GBP5: variants seen among roughly 807,000 people sequenced by gnomAD.
GBP5 encodes guanylate binding protein 5.
A neutral mutation model predicts 58.2 loss-of-function variants in GBP5; 48 were observed. That is an observed-to-expected ratio of 0.83 (90% CI 0.65 to 1.05). The LOEUF (loss-of-function observed/expected upper bound fraction) is 1.05. GBP5 is among the 50% of genes least tolerant of loss of function. The pLI is 0.00. For synonymous variants in GBP5, 248 were observed against 251.8 expected (o/e 0.98, Z 0.14); for missense variants, 714 against 686.8 (o/e 1.04, Z -0.44).
chr1:89,265,667 G>A (rs1230116179), intron 7 of GBP5, among the ~76,000 whole-genome samples: 2 of 140,754 alleles, frequency 1.4e-5, no homozygotes, highest in African/African-American at 5.4e-5. Context: ...GGCGGAGCTT[G>A]CAGTGAGCCA....
chr1:89,261,982 A>G (rs987880137), intron 11 of GBP5: 14 of 521,162 alleles, frequency 2.7e-5, no homozygotes, highest in Middle Eastern at 5.0e-4. Context: ...AAATAACCCT[A>G]TAACATAGAT....
At chr1:89,270,148 A>C (rs1650386922) in intron 2 of GBP5, 2 of 152,212 alleles carry the variant, frequency 1.3e-5, no homozygotes, top group Admixed American at 1.3e-4. Flanking sequence ...TTATTAAACC[A>C]AAACTTCAAA....
At chr1:89,267,646 A>G in intron 4 of GBP5, 120 bp from the exon 5 acceptor site, 1 of 652,634 alleles carries the variant, frequency 1.5e-6, no homozygotes, top group Non-Finnish European at 2.7e-6. Context: ...TAGAAATATT[A>G]ACTTTGAATA....
At chr1:89,270,595 A>G (rs1650404865) in intron 2 of GBP5, 160 bp downstream of exon 2, 1 of 152,218 alleles carries the variant, frequency 6.6e-6, no homozygotes, top group African/African-American at 2.4e-5. Flanking sequence ...GGCAGCAGAA[A>G]ATAGGATATC....
In GBP5 at chr1:89,258,021, G is replaced by T. The variant is rs1570406507; in HGVS notation, c.*2683C>A. 6.6e-6 allele frequency among the ~76,000 whole-genome samples: 1 copy of T among 152,140 alleles called. No individual in the cohort carries two copies. The highest frequency in any genetic ancestry group is 2.4e-5 in the African/African-American group (1 of 41,418). On this transcript the variant is annotated 3_prime_UTR_variant, in exon 12 of 12. Transcript: ENST00000370459. ...GTCAGAAAATATAAGCTACTTACTGGTAGTTTCAAGAAATCATCAATGTTT... is the reference window on the plus strand; with the variant it reads ...GTCAGAAAATATAAGCTACTTACTGTTAGTTTCAAGAAATCATCAATGTTT...
chr1:89,271,241 A>G (rs1221877393), intron 1 of GBP5: 2 of 152,188 alleles, frequency 1.3e-5, no homozygotes, highest in African/African-American at 2.4e-5. Context: ...AATGGTTCAA[A>G]ATACACACAC....
intron 4 of GBP5, among the ~76,000 whole-genome samples, chr1:89,267,998 CA>C (rs1650293807): frequency 6.6e-6 from 1 of 151,982 alleles, no homozygotes. Context: ...AAATCAAAAA[CA>C]AAGACAAAAA....
rs559899412 is a variant in GBP5 at position 89,269,093 on chromosome 1, C to T, written c.191-237G>A. On this transcript the variant is annotated intron_variant, in intron 3 of 11. Coordinates refer to ENST00000370459, the MANE Select transcript of GBP5 (RefSeq NM_052942.5). The stretch of plus-strand genomic sequence containing the variant: ...TGTTGCTAGTTTATAATTATGTATA[C>T]GGGAATTACTTCATTGATGTCTTAC... 9.2e-5 allele frequency among the ~76,000 whole-genome samples: 14 copies of T among 151,520 alleles called. No individual in the cohort carries two copies. In the South Asian group the frequency reaches 2.3e-3, roughly 25 times the overall value.
chr1:89,264,667 C>T lies in GBP5; in HGVS notation c.1149+19G>A, dbSNP rs1362684506. ...CCTTCTTGACCTTAATCCCCATGAA[C>T]TAGAAACAAAAATATCACCTCCAAT... On this transcript the variant is annotated intron_variant, in intron 8 of 11. Coordinates refer to ENST00000370459, the MANE Select transcript of GBP5 (RefSeq NM_052942.5). The T allele has an allele frequency of 2.5e-6, 4 of 1,608,414 alleles. No homozygotes were observed. In the Admixed American group the frequency reaches 6.7e-5, roughly 27 times the overall value.
rs1484530100 is a variant in GBP5, at chr1:89,262,770, G to A, written c.1378C>T (p.Gln460Ter). The A allele has an allele frequency of 1.9e-6, 3 of 1,567,438 alleles. No homozygotes were observed. The African/African-American group carries it at 4.2e-5, about 22-fold the overall frequency. Reference protein sequence around the residue: ...RKGIQAEEVLQKYLKSKESVS... With the variant: ...RKGIQAEEVL Reference sequence around the variant, plus strand: ...GACTCCTTGGACTTTAAATATTTCTGCAGAACTTCTTCAGCCTAGCAACCC... The same window carrying A: ...GACTCCTTGGACTTTAAATATTTCTACAGAACTTCTTCAGCCTAGCAACCC... Residue 460 changes from glutamine to a stop codon, truncating the protein, a stop_gained, in exon 10 of 12, where the codon CAG (glutamine) becomes TAG (stop). Coordinates refer to ENST00000370459, the MANE Select transcript of GBP5 (RefSeq NM_052942.5). LOFTEE classifies it high-confidence loss of function.
chr1:89,265,512 A>G (rs1215331319), intron 7 of GBP5, among the ~76,000 whole-genome samples: 1 of 151,426 alleles, frequency 6.6e-6, no homozygotes, highest in Non-Finnish European at 1.5e-5. Flanking sequence ...GCGGATCACG[A>G]GGTGAGGAGA....
At position 89,267,463 on chromosome 1, in the gene GBP5, A is replaced by G. The variant is rs1650267796; in HGVS notation, c.382T>C (p.Tyr128His). 5.0e-6 allele frequency: 8 copies of G among 1,613,980 alleles called. No individual in the cohort carries two copies. The highest frequency in any genetic ancestry group is 6.8e-6 in the Non-Finnish European group (8 of 1,179,850). Residue 128 changes from tyrosine to histidine, a missense_variant, in exon 5 of 12, where the codon TAC (tyrosine) becomes CAC (histidine). Transcript: ENST00000370459. The part of the protein sequence containing the change: ...LALLLSSTFV[Y>H]NTVNKIDQGA... ...TGATCAATTTTGTTCACAGTATTGT[A>G]CACAAAGGTGCTGCTCAGTAAGAGT...
chr1:89,270,762 A>G lies in GBP5; in HGVS notation c.-27T>C, dbSNP rs1361559021. 2.0e-5 allele frequency: 3 copies of G among 152,212 alleles called. No homozygotes were observed. The highest frequency in any genetic ancestry group is 4.4e-5 in the Non-Finnish European group (3 of 68,038). The allele number at this position is 152,212 out of a possible 1,614,324, so 9.4% of individuals were successfully genotyped here. A position where few individuals can be genotyped will look rare whatever the true frequency, so the allele number is the denominator to read the frequency against. The stretch of plus-strand genomic sequence containing the variant: ...TCAATGTAGTATTAGTACCTTATAT[A>G]TGTAGAATTCTGGTTGCCTGATTTG... On this transcript the variant is annotated 5_prime_UTR_variant, in exon 2 of 12. Transcript: ENST00000370459.
intron 7 of GBP5, 79 bp downstream of exon 7, chr1:89,266,267 C>A (rs1650207679): frequency 8.1e-7 from 1 of 1,231,614 alleles, no homozygotes; most frequent in Non-Finnish European, 1.2e-6. Context: ...TCAACATTGA[C>A]AATGCAAGGA....
Position 89,266,502 on chromosome 1 carries a change from A to T in GBP5, c.712T>A (p.Leu238Ile). The T allele has an allele frequency of 1.2e-6, 2 of 1,614,136 alleles. No individual in the cohort carries two copies. Among genetic ancestry groups the T allele is most frequent in the Non-Finnish European group, 1.7e-6 (2 of 1,179,994 alleles). The change falls in exon 7 of 12, where the codon TTA (leucine) becomes ATA (isoleucine). Residue 238 changes from leucine (L) to isoleucine (I), a missense_variant. Leu to Ile is a conservative substitution (Grantham distance 5). Transcript: ENST00000370459. Reference sequence around the variant, plus strand: ...GCAAGCTTTTTTTGGTGAGCAGGTAAGTCAAAGATAAAGCATTTCTTTTTT... The same window carrying T: ...GCAAGCTTTTTTTGGTGAGCAGGTATGTCAAAGATAAAGCATTTCTTTTTT... The part of the protein sequence containing the change: ...FPKKKCFIFD[L>I]PAHQKKLAQL...
chr1:89,268,620 G>T (rs1437103195), intron 4 of GBP5, 109 bp downstream of exon 4: 5 of 1,030,538 alleles, frequency 4.9e-6, no homozygotes, highest in Admixed American at 1.9e-5. Flanking sequence ...AAACAATGGG[G>T]GTATACATTG....
rs1190641465 is a variant in GBP5 at position 89,260,763 on chromosome 1, T to C, written c.1702A>G (p.Ser568Gly). The stretch of plus-strand genomic sequence containing the variant: ...GTCCTCTGGGCGTGCTGGAGCTCAC[T>C]GAGAAGGCTTCTATTTTGAGCTTGG... ...TFQAQNRSLL[S>G]ELQHAQRTVN... Residue 568 changes from serine to glycine, a missense_variant, in exon 12 of 12, where the codon AGT becomes GGT. By Grantham distance (56) the Ser-to-Gly change is moderately conservative. Coordinates refer to ENST00000370459, the MANE Select transcript of GBP5 (RefSeq NM_052942.5). The C allele has an allele frequency of 3.7e-6, 6 of 1,614,032 alleles. No homozygotes were observed. The Admixed American group carries it at 8.3e-5, about 22-fold the overall frequency.
intron 11 of GBP5, among the ~76,000 whole-genome samples, chr1:89,261,527 T>C (rs956508965): frequency 4.6e-5 from 7 of 152,186 alleles, no homozygotes; most frequent in African/African-American, 1.7e-4. Flanking sequence ...GATATTTGCA[T>C]TGATTATCTC....
At position 89,264,904 on chromosome 1, in the gene GBP5, C is replaced by G; in HGVS notation, c.931G>C (p.Glu311Gln). 2 of 1,614,174 alleles carry G rather than the reference C, an allele frequency of 1.2e-6. No homozygotes were observed. The highest frequency in any genetic ancestry group is 1.7e-6 in the Non-Finnish European group (2 of 1,179,998). Residue 311 changes from glutamate to glutamine, a missense_variant, in exon 8 of 12, where the codon GAG (glutamate) becomes CAG (glutamine). Physicochemically the swap from Glu to Gln is conservative, Grantham distance 29. Transcript: ENST00000370459. ...AISSGDLPCI[E>Q]NAVLALAQRE... ...TGAGCCAAGGCCAGGACTGCATTCT[C>G]TATGCAAGGCAGATCCCCACTGCTG...
Sources: gnomAD v4.1 joint callset for allele counts (sites outside exome capture counted in the v4.1 genomes callset) on GRCh38, gnomAD v4.1.1 for gene constraint, MANE v1.5 for transcripts, NCBI Gene and HGNC (gene_info 2026-07-23, HGNC 2026-07-21) for gene names.